The following MRC2 variants were observed in gnomAD, a reference collection of about 807,000 sequenced individuals.
The protein encoded by MRC2 is C-type mannose receptor 2.
A neutral mutation model predicts 206.2 loss-of-function variants in MRC2; 84 were observed. The observed-to-expected ratio is 0.41, with a 90% confidence interval of 0.34 to 0.49. The LOEUF is 0.49. MRC2 is among the 20% of genes least tolerant of loss of function. The pLI, the probability that MRC2 is intolerant of heterozygous loss-of-function variation, is 0.31. For synonymous variants in MRC2, 798 were observed against 800.0 expected, an observed-to-expected ratio of 1.00 and a Z score of 0.04; for missense variants, 1,676 against 2,001.5, an observed-to-expected ratio of 0.84 and a Z score of 3.10.
Position 62,652,230 on chromosome 17 carries a change from CTCAA to C in MRC2, c.119-12313_119-12310del, listed in dbSNP as rs199713277. Among the ~76,000 whole-genome samples the C allele has an allele frequency of 5.4e-3, 817 of 152,392 alleles. 10 individuals are homozygous for C. Among genetic ancestry groups the C allele is most frequent in the African/African-American group, 0.019 (784 of 41,598 alleles). ...TCACGCAGTCACTCACTGGTTCGTCCTCAATCAACCAGGCGTGGAGTCCTAACCT... is the reference window on the plus strand; with the variant it reads ...TCACGCAGTCACTCACTGGTTCGTCCTCAACCAGGCGTGGAGTCCTAACCT... On this transcript the variant is annotated intron_variant, in intron 1 of 29. Transcript: ENST00000303375. The surrounding 1 kb of genome is among the most constrained non-coding windows in gnomAD (Gnocchi z 4.6).
chr17:62,667,948 C>T lies in MRC2; in HGVS notation c.1117+415C>T, dbSNP rs1480065426. 6.6e-6 allele frequency among the ~76,000 whole-genome samples: 1 copy of T among 152,168 alleles called. No homozygotes were observed. Among genetic ancestry groups the T allele is most frequent in the Non-Finnish European group, 1.5e-5 (1 of 68,032 alleles). On this transcript the variant is annotated intron_variant, in intron 6 of 29. Transcript: ENST00000303375. The surrounding 1 kb of genome is among the most constrained non-coding windows in gnomAD (Gnocchi z 4.1). ...GAAATAACATTTGATTTGGGCCTTT[C>T]AAATTGAGTCTAAGTTTAAAAGATA...
chr17:62,642,843 TA>T (rs1253299267), intron 1 of MRC2, among the ~76,000 whole-genome samples: 18 of 152,032 alleles, frequency 1.2e-4, no homozygotes, highest in Non-Finnish European at 5.9e-5. Context: ...AGCCAAAAAC[TA>T]AAAACTAGTG....
chr17:62,678,925 C>T (rs973310301), intron 13 of MRC2, among the ~76,000 whole-genome samples: 2 of 152,164 alleles, frequency 1.3e-5, no homozygotes, highest in Admixed American at 1.3e-4. Context: ...TCCAACAGAC[C>T]CACAAACTTA....
In MRC2 at chr17:62,678,363, C is replaced by T. The variant is rs1193754702; in HGVS notation, c.2053-141C>T. 27 of 1,180,628 alleles carry T rather than the reference C, an allele frequency of 2.3e-5. No individual in the cohort carries two copies. In the East Asian group the frequency reaches 7.0e-4, roughly 31 times the overall value. 73.1% of individuals were successfully genotyped at this position (1,180,628 alleles called of 1,614,324 possible). A position where few individuals can be genotyped will look rare whatever the true frequency, so the allele number is the denominator to read the frequency against. Reference sequence around the variant, plus strand: ...CCCTCCCCAGACCTCTGCAGATGAACAGGATTGTCCTTAGCTAGCCTTAGC... The same window carrying T: ...CCCTCCCCAGACCTCTGCAGATGAATAGGATTGTCCTTAGCTAGCCTTAGC... On this transcript the variant is annotated intron_variant, in intron 12 of 29. Transcript: ENST00000303375.
chr17:62,667,334 G>C lies in MRC2; in HGVS notation c.974-56G>C, dbSNP rs2147467287. ...TAGGAGGTTCTGAGCAGGGCCCCGG[G>C]AGCCACGGTGTGAGCTTCTCTCTCC... On this transcript the variant is annotated intron_variant, in intron 5 of 29. Transcript: ENST00000303375. This position sits in a 1 kb window ranked among gnomAD's most constrained non-coding sequence, Gnocchi z 4.1. 6.6e-7 allele frequency: 1 copy of C among 1,525,668 alleles called. No individual in the cohort carries two copies. The highest frequency in any genetic ancestry group is 8.8e-7 in the Non-Finnish European group (1 of 1,138,536). 94.5% of individuals were successfully genotyped at this position (1,525,668 alleles called of 1,614,324 possible).
chr17:62,645,145 T>G (rs1220031100), intron 1 of MRC2, among the ~76,000 whole-genome samples: 1 of 152,168 alleles, frequency 6.6e-6, no homozygotes, highest in Non-Finnish European at 1.5e-5. Flanking sequence ...AAAACTATAA[T>G]GTTTCCATAT....
rs114426259 is a variant in MRC2, at chr17:62,667,675, G to C, written c.1117+142G>C. On this transcript the variant is annotated intron_variant, in intron 6 of 29. Coordinates refer to ENST00000303375, the MANE Select transcript of MRC2 (RefSeq NM_006039.5). The surrounding 1 kb of genome is among the most constrained non-coding windows in gnomAD (Gnocchi z 4.1). ...TGGATCCTCTGACTCTTATTTCATT[G>C]TTCAGTTAAAGTCTGAGCAAATTGG... 1 of 950,200 alleles carries C rather than the reference G, an allele frequency of 1.1e-6. No individual in the cohort carries two copies. The highest frequency in any genetic ancestry group is 1.7e-5 in the African/African-American group (1 of 58,288). 58.9% of individuals were successfully genotyped at this position (950,200 alleles called of 1,614,324 possible).
intron 9 of MRC2, 59 bp downstream of exon 9, chr17:62,674,229 G>A: frequency 7.6e-7 from 1 of 1,308,464 alleles, no homozygotes; most frequent in South Asian, 1.3e-5. Context: ...GCTACCAGGG[G>A]AGGGAGAGGT....
Position 62,666,528 on chromosome 17 carries a change from G to A in MRC2, c.768G>A (p.Thr256=), listed in dbSNP as rs1304964920. ...GCTACCAGTTTAACTTCCAGTCCAC[G>A]CTGTCGTGGAGGGAGGCCTGGGCCA... ...DSCYQFNFQS[T]LSWREAWASC... is the part of the protein sequence containing the mutation. Residue 256 remains threonine (T), a synonymous_variant, in exon 4 of 30, where the codon ACG becomes ACA. Coordinates refer to ENST00000303375, the MANE Select transcript of MRC2 (RefSeq NM_006039.5). The surrounding 1 kb of genome is among the most constrained non-coding windows in gnomAD (Gnocchi z 5.0). The A allele has an allele frequency of 3.1e-6, 5 of 1,613,746 alleles. No homozygotes were observed. Among genetic ancestry groups the A allele is most frequent in the Non-Finnish European group, 4.2e-6 (5 of 1,179,924 alleles).
At chr17:62,632,320 C>T (rs2088250849) in intron 1 of MRC2, among the ~76,000 whole-genome samples, 1 of 152,122 alleles carries the variant, frequency 6.6e-6, no homozygotes, top group Non-Finnish European at 1.5e-5. Flanking sequence ...TTGCACTTCC[C>T]CCTGGCCCCT....
At chr17:62,653,987 C>T (rs904717646) in intron 1 of MRC2, among the ~76,000 whole-genome samples, 1 of 152,116 alleles carries the variant, frequency 6.6e-6, no homozygotes, top group African/African-American at 2.4e-5. Flanking sequence ...CAGGGTTGGC[C>T]TCTTAGCAGG....
chr17:62,640,017 CTTTTTTTTTTT>C (rs56703312), intron 1 of MRC2, among the ~76,000 whole-genome samples: 1 of 74,350 alleles, frequency 1.3e-5, no homozygotes, highest in Non-Finnish European at 2.4e-5. Flanking sequence ...CCATGCCCAG[CTTTTTTTTTTT>C]TTTTTTTTTT....
chr17:62,691,140 G>A lies in MRC2; in HGVS notation c.4192+12G>A. 1 of 1,588,592 alleles carries A rather than the reference G, an allele frequency of 6.3e-7. No homozygotes were observed. The highest frequency in any genetic ancestry group is 8.5e-7 in the Non-Finnish European group (1 of 1,170,568). On this transcript the variant is annotated intron_variant, in intron 28 of 29. Coordinates refer to ENST00000303375, the MANE Select transcript of MRC2 (RefSeq NM_006039.5). ...CAAGCTTCCTCGTGGTGAGCGCCGGGCAGGCCCACGCTCAGCCTCCTTCCA... is the reference window on the plus strand; with the variant it reads ...CAAGCTTCCTCGTGGTGAGCGCCGGACAGGCCCACGCTCAGCCTCCTTCCA...
intron 13 of MRC2, 107 bp from the exon 14 acceptor site, chr17:62,679,693 C>G: frequency 2.0e-6 from 2 of 1,015,630 alleles, no homozygotes; most frequent in Non-Finnish European, 2.9e-6. Flanking sequence ...AGGCCCCAGG[C>G]CCTGGGGGCT....
chr17:62,654,938 G>A (rs1207759890), intron 1 of MRC2, among the ~76,000 whole-genome samples: 1 of 152,200 alleles, frequency 6.6e-6, no homozygotes, highest in Non-Finnish European at 1.5e-5. Flanking sequence ...GGGGCCAGGA[G>A]TTCAAGATCA....
rs776632141 is a variant in MRC2, at chr17:62,692,326, C to T, written c.4315C>T (p.Arg1439Cys). Residue 1439 changes from arginine to cysteine, a missense_variant, in exon 30 of 30, where the codon CGC becomes TGC. Coordinates refer to ENST00000303375, the MANE Select transcript of MRC2 (RefSeq NM_006039.5). The surrounding 1 kb of genome is among the most constrained non-coding windows in gnomAD (Gnocchi z 4.2). The stretch of plus-strand genomic sequence containing the variant: ...CGCAGCCCTCATCCTTTACCGGAGG[C>T]GCCAGAGCATCGAGCGCGGGGCCTT... The part of the protein sequence containing the change: ...LTAALILYRR[R>C]QSIERGAFEG... 144 of 1,583,444 alleles carry T rather than the reference C, an allele frequency of 9.1e-5. 2 individuals are homozygous for T. The highest frequency in any genetic ancestry group is 1.7e-4 in the Middle Eastern group (1 of 6,028).
chr17:62,681,441 G>C (rs1017833071), intron 18 of MRC2: 6 of 505,338 alleles, frequency 1.2e-5, no homozygotes, highest in Non-Finnish European at 2.1e-5. Context: ...AGGCCCTCTC[G>C]GGGAAGTGGG....
intron 1 of MRC2, among the ~76,000 whole-genome samples, chr17:62,643,593 A>G (rs1013062429): frequency 6.6e-6 from 1 of 152,260 alleles, no homozygotes; most frequent in Non-Finnish European, 1.5e-5. Flanking sequence ...AAAGATCAAA[A>G]TAGATAAGAC....
chr17:62,653,933 A>G (rs2088587972), intron 1 of MRC2, among the ~76,000 whole-genome samples: 1 of 152,108 alleles, frequency 6.6e-6, no homozygotes, highest in Admixed American at 6.5e-5. Context: ...GTACGTGGAC[A>G]CAGTCTCTAG....
Sources: allele counts gnomAD v4.1 joint callset (sites outside exome capture counted in the v4.1 genomes callset), GRCh38; gene constraint gnomAD v4.1.1; non-coding constraint Gnocchi (gnomAD v3.1); transcripts MANE v1.5; gene names NCBI Gene and HGNC (gene_info 2026-07-23, HGNC 2026-07-21).